SLC7A9: variants seen among roughly 807,000 people sequenced by gnomAD.
SLC7A9 encodes B(0,+)-type amino acid transporter 1.
In SLC7A9, 38 loss-of-function variants were observed where a neutral mutation model predicts 54.1. The ratio of observed to expected loss-of-function variants is 0.70; its 90% CI spans 0.54 to 0.92. The LOEUF (loss-of-function observed/expected upper bound fraction) is 0.92, where lower values mean the gene tolerates loss of function less well. Ranked by LOEUF, SLC7A9 falls within the 40% of genes least tolerant of loss-of-function variation. SLC7A9 has a pLI of 0.00. For synonymous variants in SLC7A9, 264 were observed against 258.9 expected (o/e 1.02, Z -0.19); for missense variants, 537 against 636.1 (o/e 0.84, Z 1.68).
chr19:32,867,486 C>T (rs1198623869), intron 2 of SLC7A9, among the ~76,000 whole-genome samples: 1 of 151,984 alleles, frequency 6.6e-6, no homozygotes, highest in African/African-American at 2.4e-5. Context: ...CACTGCACTC[C>T]AGCCTGGGTG....
At chr19:32,863,537 G>A (rs1376679332) in intron 4 of SLC7A9, among the ~76,000 whole-genome samples, 2 of 151,936 alleles carry the variant, frequency 1.3e-5, no homozygotes, top group East Asian at 3.9e-4. Context: ...TGTTTTGATT[G>A]TTTGTAGAGT....
At chr19:32,853,315 A>G (rs572191015) in intron 9 of SLC7A9, among the ~76,000 whole-genome samples, 3 of 152,326 alleles carry the variant, frequency 2.0e-5, no homozygotes, top group Non-Finnish European at 4.4e-5. Context: ...TTAATTAGGC[A>G]ATGAGGAAAC....
In SLC7A9 at chr19:32,864,639, G is replaced by A. The variant is rs753121162; in HGVS notation, c.225C>T (p.Leu75=). Residue 75 remains leucine (L), a synonymous_variant, in exon 3 of 13, where the codon CTC becomes CTT. Transcript: ENST00000023064. The part of the protein sequence containing the change: ...CLIIWAACGV[L]ATLGALCFAE... ...CCCAAGTCTCTTTACCCAGCGTCGC[G>A]AGGACCCCGCAAGCCGCCCATATGA... 12 of 1,613,730 alleles carry A rather than the reference G, an allele frequency of 7.4e-6. No individual in the cohort carries two copies. Among genetic ancestry groups the A allele is most frequent in the Middle Eastern group, 1.7e-4 (1 of 6,046 alleles).
At chr19:32,844,645 C>T (rs1431659931) in intron 9 of SLC7A9, among the ~76,000 whole-genome samples, 1 of 151,860 alleles carries the variant, frequency 6.6e-6, no homozygotes, top group East Asian at 1.9e-4. Context: ...GTCTGGCCAA[C>T]GTGGTGAAAC....
At position 32,860,250 on chromosome 19, in the gene SLC7A9, G is replaced by C; in HGVS notation, c.750-286C>G. The stretch of plus-strand genomic sequence containing the variant: ...CCAAACCAAACTCTAAGCGTGCATA[G>C]TGAGCTCATAAGAAACCATTCGCTG... On this transcript the variant is annotated intron_variant, in intron 7 of 12. Transcript: ENST00000023064. 5 of 1,408,174 alleles carry C rather than the reference G, an allele frequency of 3.6e-6. No individual in the cohort carries two copies. The South Asian group carries it at 4.4e-5, about 13-fold the overall frequency. The allele number at this position is 1,408,174 out of a possible 1,614,324, so 87.2% of individuals were successfully genotyped here.
chr19:32,839,915 A>G (rs577775545), intron 11 of SLC7A9, among the ~76,000 whole-genome samples: 1 of 152,240 alleles, frequency 6.6e-6, no homozygotes, highest in Non-Finnish European at 1.5e-5. Context: ...GCCTTTCAGT[A>G]TGTTGGTTCA....
At chr19:32,855,891 C>A (rs1455089451) in intron 9 of SLC7A9, among the ~76,000 whole-genome samples, 1 of 152,174 alleles carries the variant, frequency 6.6e-6, no homozygotes, top group Non-Finnish European at 1.5e-5. Flanking sequence ...TTCCTACTTT[C>A]TGTAATAAAT....
In SLC7A9 at chr19:32,862,232, G is replaced by T. The variant is rs1418233440; in HGVS notation, c.605-15C>A. ...CTTTGTGTTTCCTGTAATGAAGCCA[G>T]ACAGTGAACGGCGGGTGTCAACCGG... On this transcript the variant is annotated splice_polypyrimidine_tract_variant and intron_variant, in intron 5 of 12. Coordinates refer to ENST00000023064, the MANE Select transcript of SLC7A9 (RefSeq NM_014270.5). 1.9e-6 allele frequency: 3 copies of T among 1,596,526 alleles called. No individual in the cohort carries two copies. The highest frequency in any genetic ancestry group is 3.3e-5 in the Admixed American group (2 of 59,984).
chr19:32,830,915 G>A lies in SLC7A9; in HGVS notation c.1400-231C>T, dbSNP rs185453878. 1.6e-4 allele frequency among the ~76,000 whole-genome samples: 25 copies of A among 152,226 alleles called. No individual in the cohort carries two copies. The South Asian group carries it at 1.9e-3, about 11-fold the overall frequency. On this transcript the variant is annotated intron_variant, in intron 12 of 12. Transcript: ENST00000023064. ...AAATAAAAACCTCCTAGGAGTGTCCGGAGGGACGACTGCACTTTCCAGTTC... is the reference window on the plus strand; with the variant it reads ...AAATAAAAACCTCCTAGGAGTGTCCAGAGGGACGACTGCACTTTCCAGTTC...
At chr19:32,854,365 G>A (rs558000064) in intron 9 of SLC7A9, among the ~76,000 whole-genome samples, 5 of 152,130 alleles carry the variant, frequency 3.3e-5, no homozygotes, top group African/African-American at 1.2e-4. Flanking sequence ...GTTGATCTAT[G>A]GATTCAACCC....
intron 11 of SLC7A9, among the ~76,000 whole-genome samples, chr19:32,840,581 G>A (rs769855515): frequency 1.2e-4 from 18 of 152,164 alleles, no homozygotes; most frequent in Non-Finnish European, 2.1e-4. Flanking sequence ...CTTCCCAGTT[G>A]AGAGATTTGT....
intron 4 of SLC7A9, among the ~76,000 whole-genome samples, chr19:32,863,438 T>C (rs1401153232): frequency 6.6e-6 from 1 of 152,136 alleles, no homozygotes; most frequent in African/African-American, 2.4e-5. Context: ...CTTTTATTTT[T>C]TGAGATAGGG....
At position 32,860,613 on chromosome 19, in the gene SLC7A9, G is replaced by A. The variant is rs1430333839; in HGVS notation, c.742C>T (p.Pro248Ser). The A allele has an allele frequency of 1.2e-6, 2 of 1,614,132 alleles. No homozygotes were observed. The highest frequency in any genetic ancestry group is 1.7e-6 in the Non-Finnish European group (2 of 1,180,000). Residue 248 changes from proline to serine, a missense_variant, in exon 7 of 13, where the codon CCT (proline) becomes TCT (serine). Coordinates refer to ENST00000023064, the MANE Select transcript of SLC7A9 (RefSeq NM_014270.5). Reference sequence around the variant, plus strand: ...CACTGATTCAGCTGTTACCTGTAAGGGTTTCTAAGTTCTTCTGTGATGTAA... The same window carrying A: ...CACTGATTCAGCTGTTACCTGTAAGAGTTTCTAAGTTCTTCTGTGATGTAA... ...LNYITEELRN[P>S]YRNLPLAIII... is the part of the protein sequence containing the mutation.
At chr19:32,855,462 G>T (rs966302726) in intron 9 of SLC7A9, among the ~76,000 whole-genome samples, 3 of 152,206 alleles carry the variant, frequency 2.0e-5, no homozygotes, top group African/African-American at 7.2e-5. Context: ...CACTTTGGGA[G>T]GCCAAGGCGG....
Position 32,843,535 on chromosome 19 carries a change from G to A in SLC7A9, c.1074+320C>T, listed in dbSNP as rs556572615. On this transcript the variant is annotated intron_variant, in intron 10 of 12. Transcript: ENST00000023064. The stretch of plus-strand genomic sequence containing the variant: ...AATCATTAGAGCATAATGAGAGGCA[G>A]CTGTCAGTAACTACCTGGGAAAATG... Among the ~76,000 whole-genome samples the A allele has an allele frequency of 4.6e-5, 7 of 152,278 alleles. No homozygotes were observed. The South Asian group carries it at 1.5e-3, about 32-fold the overall frequency.
At chr19:32,860,279 G>A (rs1457303689) in intron 7 of SLC7A9, 23 of 1,392,032 alleles carry the variant, frequency 1.7e-5, no homozygotes, top group South Asian at 3.0e-5. Context: ...TTCGCTGGCC[G>A]GGTGCAGTGG....
At chr19:32,840,458 C>T (rs551813277) in intron 11 of SLC7A9, among the ~76,000 whole-genome samples, 5 of 152,294 alleles carry the variant, frequency 3.3e-5, no homozygotes, top group African/African-American at 1.2e-4. Flanking sequence ...CCACCACACT[C>T]AGCCTCTGTG....
intron 9 of SLC7A9, among the ~76,000 whole-genome samples, chr19:32,851,713 C>T (rs1212818539): frequency 2.0e-5 from 3 of 152,148 alleles, no homozygotes; most frequent in East Asian, 1.9e-4. Flanking sequence ...TATAAAGGCA[C>T]ATGCACACGT....
At chr19:32,868,391 C>G in intron 2 of SLC7A9, 57 bp downstream of exon 2, 3 of 1,372,972 alleles carry the variant, frequency 2.2e-6, no homozygotes, top group Admixed American at 3.4e-5. Flanking sequence ...CTGCGCCCCT[C>G]GTTCAGACGC....
Sources: gnomAD v4.1 joint callset for allele counts (sites outside exome capture counted in the v4.1 genomes callset) on GRCh38, gnomAD v4.1.1 for gene constraint, MANE v1.5 for transcripts, NCBI Gene and HGNC (gene_info 2026-07-23, HGNC 2026-07-21) for gene names.